YAF2: variants seen among roughly 807,000 people sequenced by gnomAD.
YAF2 encodes YY1 associated factor 2.
A neutral mutation model predicts 20.1 loss-of-function variants in YAF2; 7 were observed. The ratio of observed to expected loss-of-function variants is 0.35; its 90% confidence interval spans 0.20 to 0.65. The LOEUF (loss-of-function observed/expected upper bound fraction) is 0.65, where lower values mean the gene tolerates loss of function less well. Among genes scored for constraint, YAF2 ranks in the 30% least tolerant of loss-of-function variants. The pLI, the probability that YAF2 is intolerant of heterozygous loss-of-function variation, is 0.69. For missense variants in YAF2, 151 were observed against 219.2 expected (o/e 0.69, Z 1.96); for synonymous variants, 74 against 76.0 (o/e 0.97, Z 0.14).
At chr12:42,236,071 C>T (rs937092584) in intron 2 of YAF2, 37 of 1,501,174 alleles carry the variant, frequency 2.5e-5, no homozygotes, top group Middle Eastern at 1.7e-4. Context: ...GAGGGAACAA[C>T]AAAAAGCAAT....
intron 2 of YAF2, among the ~76,000 whole-genome samples, chr12:42,223,386 A>G (rs926069827): frequency 6.6e-6 from 1 of 152,282 alleles, no homozygotes; most frequent in African/African-American, 2.4e-5. Flanking sequence ...AAAGATAAAG[A>G]AAAGGCTTTA....
At chr12:42,194,847 G>A (rs1016121582) in intron 2 of YAF2, among the ~76,000 whole-genome samples, 2 of 152,130 alleles carry the variant, frequency 1.3e-5, no homozygotes, top group African/African-American at 4.8e-5. Context: ...TTTTGCATAA[G>A]TTTGAGATGT....
At chr12:42,235,319 CT>C in intron 2 of YAF2, 1 of 997,496 alleles carries the variant, frequency 1.0e-6, no homozygotes, top group Non-Finnish European at 1.2e-6. Context: ...ACTACTGAAA[CT>C]TTTGCTTCTC....
intron 1 of YAF2, 26 bp downstream of exon 1, chr12:42,238,129 G>A: frequency 2.0e-6 from 3 of 1,529,524 alleles, no homozygotes; most frequent in Non-Finnish European, 2.6e-6. Flanking sequence ...CGCACAGTCC[G>A]GGCCCCGGGG....
At position 42,159,413 on chromosome 12, in the gene YAF2, T is replaced by C. The variant is rs533137412; in HGVS notation, c.*1176A>G. 3 of 152,212 alleles carry C rather than the reference T, an allele frequency of 2.0e-5. No homozygotes were observed. In the East Asian group the frequency reaches 5.8e-4, roughly 29 times the overall value. The allele number at this position is 152,212 out of a possible 1,614,324, so 9.4% of individuals were successfully genotyped here. On this transcript the variant is annotated 3_prime_UTR_variant, in exon 4 of 4. Transcript: ENST00000534854. Reference sequence around the variant, plus strand: ...ATTCTAAATACAACATAAAACTCTTTAAATAGTTGTAAACAAAAATGCAAA... The same window carrying C: ...ATTCTAAATACAACATAAAACTCTTCAAATAGTTGTAAACAAAAATGCAAA...
At chr12:42,237,291 T>G (rs767433525) in intron 2 of YAF2, 45 of 622,294 alleles carry the variant, frequency 7.2e-5, no homozygotes, top group Non-Finnish European at 9.4e-5. Context: ...GCCAACATTT[T>G]TATACCCAGA....
At chr12:42,206,562 T>C (rs2067048735) in intron 2 of YAF2, among the ~76,000 whole-genome samples, 1 of 150,362 alleles carries the variant, frequency 6.7e-6, no homozygotes, top group South Asian at 2.1e-4. Flanking sequence ...TGAGCCGAGA[T>C]AGCGCCACTG....
intron 2 of YAF2, among the ~76,000 whole-genome samples, chr12:42,226,372 T>C (rs1470407741): frequency 6.6e-6 from 1 of 152,188 alleles, no homozygotes; most frequent in Non-Finnish European, 1.5e-5. Context: ...CTTGAAATAA[T>C]GCTAAAACAT....
At chr12:42,187,502 G>C (rs539721657) in intron 2 of YAF2, among the ~76,000 whole-genome samples, 3 of 151,854 alleles carry the variant, frequency 2.0e-5, no homozygotes, top group Non-Finnish European at 4.4e-5. Flanking sequence ...AATTAGTGGT[G>C]TGCTTCTATA....
At chr12:42,169,779 T>G (rs1339675190) in intron 2 of YAF2, among the ~76,000 whole-genome samples, 1 of 152,144 alleles carries the variant, frequency 6.6e-6, no homozygotes, top group Admixed American at 6.5e-5. Context: ...AATGACACTA[T>G]TGGAGTGGTG....
intron 2 of YAF2, among the ~76,000 whole-genome samples, chr12:42,223,730 A>G (rs1461578182): frequency 6.6e-6 from 1 of 152,098 alleles, no homozygotes; most frequent in African/African-American, 2.4e-5. Context: ...TCGCAGGGAC[A>G]TGGATGAAGC....
In YAF2 at chr12:42,238,199, C is replaced by A. The variant is rs1307560192; in HGVS notation, c.-19G>T. 6.6e-7 allele frequency: 1 copy of A among 1,516,080 alleles called. No homozygotes were observed. Among genetic ancestry groups the A allele is most frequent in the South Asian group, 1.2e-5 (1 of 82,524 alleles). 93.9% of individuals were successfully genotyped at this position (1,516,080 alleles called of 1,614,324 possible). On this transcript the variant is annotated 5_prime_UTR_variant, in exon 1 of 4. Coordinates refer to ENST00000534854, the MANE Select transcript of YAF2 (RefSeq NM_005748.6). ...CTCCCATGGCTTGGCTATCACCGCA[C>A]GCCGAGAGTCGCCGCCGCGACCGCT...
chr12:42,188,899 G>A (rs941123711), intron 2 of YAF2, among the ~76,000 whole-genome samples: 2 of 152,168 alleles, frequency 1.3e-5, no homozygotes, highest in Non-Finnish European at 2.9e-5. Flanking sequence ...TCTCAATTTG[G>A]TAGGGAAAAC....
At chr12:42,216,373 G>C (rs564450609) in intron 2 of YAF2, among the ~76,000 whole-genome samples, 30 of 152,254 alleles carry the variant, frequency 2.0e-4, no homozygotes, top group African/African-American at 6.0e-4. Flanking sequence ...TCTGTCTGAT[G>C]AAAGTAAAAG....
At chr12:42,191,374 C>CT (rs201603450) in intron 2 of YAF2, among the ~76,000 whole-genome samples, 45 of 151,504 alleles carry the variant, frequency 3.0e-4, no homozygotes, top group East Asian at 3.9e-4. Context: ...AATCCACTGA[C>CT]TTTTTTTTTG....
chr12:42,161,563 T>C, intron 3 of YAF2, 50 bp downstream of exon 3: 2 of 1,517,422 alleles, frequency 1.3e-6, no homozygotes, highest in Non-Finnish European at 1.8e-6. Flanking sequence ...TTAAAAAAAT[T>C]AAATGGTTTT....
intron 2 of YAF2, among the ~76,000 whole-genome samples, chr12:42,173,524 G>A (rs1207932284): frequency 1.3e-5 from 2 of 152,130 alleles, no homozygotes; most frequent in Non-Finnish European, 2.9e-5. Context: ...CAATCTTCAA[G>A]ACTACAAATA....
chr12:42,216,720 C>A (rs1334679215), intron 2 of YAF2, among the ~76,000 whole-genome samples: 16 of 152,182 alleles, frequency 1.1e-4, no homozygotes, highest in Admixed American at 1.0e-3. Flanking sequence ...CCTTACCCAA[C>A]ATATCCAAAC....
intron 2 of YAF2, among the ~76,000 whole-genome samples, chr12:42,177,120 C>CT (rs2066215951): frequency 6.6e-6 from 1 of 152,202 alleles, no homozygotes; most frequent in African/African-American, 2.4e-5. Flanking sequence ...AATCAATCCC[C>CT]TTCACTGGCA....
Sources: gnomAD v4.1 joint callset for allele counts (sites outside exome capture counted in the v4.1 genomes callset) on GRCh38, gnomAD v4.1.1 for gene constraint, MANE v1.5 for transcripts, NCBI Gene and HGNC (gene_info 2026-07-23, HGNC 2026-07-21) for gene names.